The following PAK1 variants were observed in gnomAD, a reference collection of about 807,000 sequenced individuals.
The protein encoded by PAK1 is p21 (RAC1) activated kinase 1.
In PAK1, 29 loss-of-function variants were observed where a neutral mutation model predicts 67.4. The observed-to-expected ratio is 0.43, with a 90% CI of 0.32 to 0.59. PAK1 has a LOEUF of 0.59. PAK1 is among the 20% of genes least tolerant of loss of function. The pLI is 0.07. For synonymous variants in PAK1, 223 were observed against 237.4 expected, an observed-to-expected ratio of 0.94 and a Z score of 0.56; for missense variants, 337 against 670.7, an observed-to-expected ratio of 0.50 and a Z score of 5.50.
At chr11:77,467,429 A>G (rs1957650066) in intron 1 of PAK1, among the ~76,000 whole-genome samples, 1 of 152,244 alleles carries the variant, frequency 6.6e-6, no homozygotes, top group Admixed American at 6.5e-5. Context: ...TTCAGAACCT[A>G]TGACAATGCC....
At chr11:77,436,088 C>T (rs1956118647) in intron 1 of PAK1, among the ~76,000 whole-genome samples, 1 of 152,134 alleles carries the variant, frequency 6.6e-6, no homozygotes, top group Admixed American at 6.5e-5. Context: ...CTTTCTGTTT[C>T]AATTGGTAGA....
chr11:77,322,903 A>C lies in PAK1; in HGVS notation c.*371T>G. On this transcript the variant is annotated 3_prime_UTR_variant, in exon 15 of 15. Coordinates refer to ENST00000356341, the MANE Select transcript of PAK1 (RefSeq NM_002576.5). The stretch of plus-strand genomic sequence containing the variant: ...AATCTCAATTGATTACAAATTGATA[A>C]TATTATCAAACCATAAATTTATATA... 2 of 558,686 alleles carry C rather than the reference A, an allele frequency of 3.6e-6. No homozygotes were observed. The highest frequency in any genetic ancestry group is 4.9e-5 in the South Asian group (2 of 40,858). The allele number at this position is 558,686 out of a possible 1,614,324, so 34.6% of individuals were successfully genotyped here.
intron 1 of PAK1, among the ~76,000 whole-genome samples, chr11:77,394,801 C>T (rs188918982): frequency 5.9e-5 from 9 of 152,218 alleles, no homozygotes; most frequent in East Asian, 3.9e-4. Context: ...GCTGAGATCA[C>T]GCCACTGCAT....
intron 5 of PAK1, among the ~76,000 whole-genome samples, chr11:77,373,939 A>C (rs1388253651): frequency 6.6e-6 from 1 of 152,202 alleles, no homozygotes; most frequent in Non-Finnish European, 1.5e-5. Flanking sequence ...ACAGTGTATC[A>C]TCCTCATTTT....
intron 9 of PAK1, among the ~76,000 whole-genome samples, chr11:77,346,456 C>T (rs1483441221): frequency 6.6e-6 from 1 of 152,180 alleles, no homozygotes; most frequent in Non-Finnish European, 1.5e-5. Flanking sequence ...CTCTCTGAGC[C>T]TCAGTCTCTT....
chr11:77,344,858 C>T (rs1360716597), intron 9 of PAK1, among the ~76,000 whole-genome samples: 1 of 152,160 alleles, frequency 6.6e-6, no homozygotes, highest in Non-Finnish European at 1.5e-5. Context: ...GTACAACATT[C>T]AAAGTTCTCA....
At chr11:77,362,314 G>A (rs2602475) in intron 5 of PAK1, among the ~76,000 whole-genome samples, 9,934 of 152,210 alleles carry the variant, frequency 0.065, 737 homozygotes, top group East Asian at 0.25. Context: ...TCTAGTGACA[G>A]ATCTCAAACG....
chr11:77,486,290 G>T, the PAK1 span, among the ~76,000 whole-genome samples: 1 of 151,926 alleles, frequency 6.6e-6, no homozygotes, highest in Admixed American at 6.6e-5. Flanking sequence ...TCCTTGAGCA[G>T]CCTAGGAGTT....
At chr11:77,466,713 G>T (rs1957614244) in intron 1 of PAK1, among the ~76,000 whole-genome samples, 1 of 151,980 alleles carries the variant, frequency 6.6e-6, no homozygotes, top group Non-Finnish European at 1.5e-5. Context: ...CTTCCAAATT[G>T]TTGTGCATAT....
intron 1 of PAK1, among the ~76,000 whole-genome samples, chr11:77,460,384 A>T (rs773596070): frequency 6.6e-6 from 1 of 150,670 alleles, no homozygotes; most frequent in African/African-American, 2.4e-5. Flanking sequence ...TGGCCTTAGC[A>T]AGAGCAGTTA....
chr11:77,483,823 A>G, the PAK1 span, among the ~76,000 whole-genome samples: 1 of 152,252 alleles, frequency 6.6e-6, no homozygotes, highest in East Asian at 1.9e-4. Flanking sequence ...CAATTCGTGG[A>G]GATGAAAATT....
intron 1 of PAK1, among the ~76,000 whole-genome samples, chr11:77,447,537 T>C (rs1404768887): frequency 1.3e-5 from 2 of 148,604 alleles, no homozygotes; most frequent in African/African-American, 4.9e-5. Flanking sequence ...AACAGATTCT[T>C]TTTTTTTTTT....
intron 1 of PAK1, among the ~76,000 whole-genome samples, chr11:77,398,849 T>C (rs1952201112): frequency 6.6e-6 from 1 of 152,236 alleles, no homozygotes; most frequent in African/African-American, 2.4e-5. Flanking sequence ...GTTCCGCTAC[T>C]TCTGATTTAT....
chr11:77,492,028 A>G, the PAK1 span, among the ~76,000 whole-genome samples: 4 of 152,248 alleles, frequency 2.6e-5, no homozygotes, highest in African/African-American at 9.6e-5. Flanking sequence ...GTGTTGCAAC[A>G]AGGAGTGGGA....
At position 77,379,976 on chromosome 11, in the gene PAK1, TTC is replaced by T; in HGVS notation, c.207_208del (p.Lys70ArgfsTer12). ...AGGGAGAGAAATCTCTGGCCGCTCT[TTC>T]TCTTTCTTTTTATTTGCTGCAAGAG... On this transcript the variant is annotated frameshift_variant, in exon 3 of 15. Coordinates refer to ENST00000356341, the MANE Select transcript of PAK1 (RefSeq NM_002576.5). LOFTEE classifies it high-confidence loss of function. 2 of 1,613,348 alleles carry T rather than the reference TTC, an allele frequency of 1.2e-6. No homozygotes were observed. The highest frequency in any genetic ancestry group is 1.7e-6 in the Non-Finnish European group (2 of 1,179,562).
chr11:77,350,961 G>A (rs1240343637), intron 8 of PAK1, among the ~76,000 whole-genome samples: 1 of 151,816 alleles, frequency 6.6e-6, no homozygotes, highest in African/African-American at 2.4e-5. Flanking sequence ...CAAGCCTCAG[G>A]GGACTGTCTC....
chr11:77,344,184 C>T (rs768777865), intron 9 of PAK1, among the ~76,000 whole-genome samples: 3 of 152,220 alleles, frequency 2.0e-5, no homozygotes, highest in Non-Finnish European at 4.4e-5. Flanking sequence ...ATCAGAAGCT[C>T]TGTGATGTAA....
At chr11:77,511,400 G>C in the PAK1 span, among the ~76,000 whole-genome samples, 1 of 152,192 alleles carries the variant, frequency 6.6e-6, no homozygotes, top group African/African-American at 2.4e-5. Flanking sequence ...CTTCTTTTCA[G>C]TGTCAGCACT....
chr11:77,472,636 T>C (rs1957918904), intron 1 of PAK1, among the ~76,000 whole-genome samples: 1 of 152,230 alleles, frequency 6.6e-6, no homozygotes, highest in Non-Finnish European at 1.5e-5. Context: ...TCTGTACTGA[T>C]AATTCCTACT....
Sources: gnomAD v4.1 joint callset for allele counts (sites outside exome capture counted in the v4.1 genomes callset) on GRCh38, gnomAD v4.1.1 for gene constraint, MANE v1.5 for transcripts, NCBI Gene and HGNC (gene_info 2026-07-23, HGNC 2026-07-21) for gene names.